MTUS2: variants seen among roughly 807,000 people sequenced by gnomAD.
MTUS2 encodes the protein microtubule associated scaffold protein 2, also known as microtubule-associated tumor suppressor candidate 2.
A neutral mutation model predicts 114.1 loss-of-function variants in MTUS2; 40 were observed. The ratio of observed to expected loss-of-function variants is 0.35; its 90% CI spans 0.27 to 0.46. The LOEUF is 0.46. Among genes scored for constraint, MTUS2 ranks in the 20% least tolerant of loss-of-function variants. The pLI is 1.00. For synonymous variants in MTUS2, 688 were observed against 672.0 expected (o/e 1.02, Z -0.37); for missense variants, 1,679 against 1,705.4 (o/e 0.98, Z 0.27).
Position 29,324,513 on chromosome 13 carries a change from T to C in MTUS2, c.2807-100T>C, listed in dbSNP as rs566684489. On this transcript the variant is annotated intron_variant, in intron 6 of 15. Coordinates refer to ENST00000612955, the MANE Select transcript of MTUS2 (RefSeq NM_001033602.4). ...CACCCAAATATTTCTTTTGTTGATATGTTTGACTTTCTTGAAGCCACCCTT... is the reference window on the plus strand; with the variant it reads ...CACCCAAATATTTCTTTTGTTGATACGTTTGACTTTCTTGAAGCCACCCTT... 81 of 770,326 alleles carry C rather than the reference T, an allele frequency of 1.1e-4. 1 individual carries two copies. The South Asian group carries it at 1.3e-3, about 13-fold the overall frequency. 47.7% of individuals were successfully genotyped at this position (770,326 alleles called of 1,614,324 possible). A position where few individuals can be genotyped will look rare whatever the true frequency, so the allele number is the denominator to read the frequency against.
intron 4 of MTUS2, among the ~76,000 whole-genome samples, chr13:29,043,202 T>C (rs1173737765): frequency 6.6e-6 from 1 of 152,206 alleles, no homozygotes; most frequent in Admixed American, 6.5e-5. Context: ...CAACAATCTT[T>C]CAAGAGCAGG....
chr13:29,365,835 G>T (rs554996567), intron 8 of MTUS2, among the ~76,000 whole-genome samples: 1 of 152,052 alleles, frequency 6.6e-6, no homozygotes, highest in South Asian at 2.1e-4. Flanking sequence ...TGTCACTGGC[G>T]ACTTATTTGA....
At chr13:29,221,401 C>G (rs989623914) in intron 5 of MTUS2, among the ~76,000 whole-genome samples, 1 of 152,166 alleles carries the variant, frequency 6.6e-6, no homozygotes, top group Admixed American at 6.5e-5. Flanking sequence ...TATTCCCAGA[C>G]TTTTTTTGTG....
intron 8 of MTUS2, among the ~76,000 whole-genome samples, chr13:29,386,308 T>C (rs9551665): frequency 0.14 from 20,876 of 152,160 alleles, 1,786 homozygotes; most frequent in African/African-American, 0.24. Flanking sequence ...CAGTGACTTA[T>C]AGCCCATGGG....
At chr13:29,306,987 T>C in intron 6 of MTUS2, 6 of 547,230 alleles carry the variant, frequency 1.1e-5, no homozygotes, top group South Asian at 8.3e-5. Flanking sequence ...TTGTCATCAC[T>C]GGAAATCTCA....
intron 5 of MTUS2, among the ~76,000 whole-genome samples, chr13:29,154,508 C>T (rs1045397276): frequency 1.3e-5 from 2 of 152,128 alleles, no homozygotes; most frequent in South Asian, 2.1e-4. Flanking sequence ...CACAGTGTGT[C>T]GGGAATCAAT....
intron 7 of MTUS2, among the ~76,000 whole-genome samples, chr13:29,336,031 C>T (rs528422410): frequency 4.6e-5 from 7 of 152,214 alleles, no homozygotes; most frequent in Non-Finnish European, 8.8e-5. Context: ...TTTTCAGCTC[C>T]GTCAGGTCAT....
At chr13:28,926,065 C>T (rs1593305562) in intron 2 of MTUS2, among the ~76,000 whole-genome samples, 1 of 152,202 alleles carries the variant, frequency 6.6e-6, no homozygotes, top group Non-Finnish European at 1.5e-5. Flanking sequence ...CTTCTGATCA[C>T]CCCCTCTTCC....
At chr13:28,918,768 G>T (rs115706739) in intron 2 of MTUS2, among the ~76,000 whole-genome samples, 313 of 151,692 alleles carry the variant, frequency 2.1e-3, no homozygotes, top group African/African-American at 7.4e-3. Context: ...CTTCCTTCCT[G>T]TCTTTTAGTG....
chr13:29,010,271 A>G (rs1048316644), intron 2 of MTUS2, among the ~76,000 whole-genome samples: 1 of 151,730 alleles, frequency 6.6e-6, no homozygotes, highest in Admixed American at 6.6e-5. Flanking sequence ...TTACAGTCAC[A>G]CGCAGAATGC....
chr13:28,942,587 A>T (rs1882302775), intron 2 of MTUS2, among the ~76,000 whole-genome samples: 2 of 152,262 alleles, frequency 1.3e-5, no homozygotes, highest in South Asian at 4.1e-4. Context: ...AAGAGAATAG[A>T]TCAGCAGCCT....
chr13:29,316,570 A>G (rs961646661), intron 6 of MTUS2, among the ~76,000 whole-genome samples: 4 of 151,944 alleles, frequency 2.6e-5, no homozygotes, highest in East Asian at 3.9e-4. Context: ...ATCAGACTCT[A>G]CTTGGATCCA....
intron 8 of MTUS2, among the ~76,000 whole-genome samples, chr13:29,378,650 T>A (rs955135613): frequency 3.3e-5 from 5 of 152,150 alleles, no homozygotes; most frequent in African/African-American, 1.2e-4. Flanking sequence ...GAAATTAATC[T>A]TTAGTCTCTC....
intron 6 of MTUS2, among the ~76,000 whole-genome samples, chr13:29,308,786 A>T (rs951607534): frequency 6.6e-6 from 1 of 152,242 alleles, no homozygotes; most frequent in African/African-American, 2.4e-5. Context: ...CAACAAACAT[A>T]TGAAAAAAAC....
chr13:29,154,532 G>A (rs1892781690), intron 5 of MTUS2, among the ~76,000 whole-genome samples: 1 of 152,102 alleles, frequency 6.6e-6, no homozygotes, highest in Non-Finnish European at 1.5e-5. Context: ...ATAAATAATA[G>A]ACTTTTGCAA....
intron 6 of MTUS2, among the ~76,000 whole-genome samples, chr13:29,302,174 T>C (rs1899232389): frequency 6.6e-6 from 1 of 152,172 alleles, no homozygotes; most frequent in African/African-American, 2.4e-5. Context: ...ATTCTCACAA[T>C]GGGACTGACT....
At chr13:28,982,924 A>G (rs1403440005) in intron 2 of MTUS2, among the ~76,000 whole-genome samples, 2 of 152,202 alleles carry the variant, frequency 1.3e-5, no homozygotes, top group East Asian at 1.9e-4. Flanking sequence ...TTAATTTTGC[A>G]AGGTGAAAAG....
At chr13:29,184,568 C>T in intron 5 of MTUS2, among the ~76,000 whole-genome samples, 1 of 152,160 alleles carries the variant, frequency 6.6e-6, no homozygotes, top group East Asian at 1.9e-4. Context: ...GTGTTGAAGA[C>T]ATGCACTAAC....
rs570077124 is a variant in MTUS2 at position 29,255,271 on chromosome 13, A to G, written c.2645-26433A>G. Among the ~76,000 whole-genome samples, 4 of 152,268 alleles carry G rather than the reference A, an allele frequency of 2.6e-5. No homozygotes were observed. In the South Asian group the frequency reaches 8.3e-4, roughly 32 times the overall value. The stretch of plus-strand genomic sequence containing the variant: ...GAGGCATGGTGTTATTTCTGAGATT[A>G]ATCATGGGGTTTTTCCATTTGAGAC... On this transcript the variant is annotated intron_variant, in intron 5 of 15. Transcript: ENST00000612955.
Sources: allele counts gnomAD v4.1 joint callset (sites outside exome capture counted in the v4.1 genomes callset), GRCh38; gene constraint gnomAD v4.1.1; transcripts MANE v1.5; gene names NCBI Gene and HGNC (gene_info 2026-07-23, HGNC 2026-07-21).